The following ITGAV variants were observed in gnomAD, a reference collection of about 807,000 sequenced individuals.
ITGAV encodes the protein integrin alpha-V.
A neutral mutation model predicts 143.8 loss-of-function variants in ITGAV; 76 were observed. The ratio of observed to expected loss-of-function variants is 0.53; its 90% CI spans 0.44 to 0.64. The LOEUF is 0.64. ITGAV is among the 30% of genes least tolerant of loss of function. The probability of loss-of-function intolerance (pLI) is 0.00; values close to 1 mark genes in which losing one functional copy is unlikely to be tolerated. For missense variants in ITGAV, 1,193 were observed against 1,274.7 expected (o/e 0.94, Z 0.98); for synonymous variants, 453 against 446.7 (o/e 1.01, Z -0.18).
At chr2:186,642,520 T>C (rs1438720072) in intron 12 of ITGAV, among the ~76,000 whole-genome samples, 2 of 146,676 alleles carry the variant, frequency 1.4e-5, no homozygotes, top group African/African-American at 5.0e-5. Flanking sequence ...TTTTCTTTGT[T>C]TCTTTCTTTT....
At chr2:186,641,746 C>G (rs1352851901) in intron 12 of ITGAV, 158 bp downstream of exon 12, 1 of 602,434 alleles carries the variant, frequency 1.7e-6, no homozygotes, top group Non-Finnish European at 2.9e-6. Flanking sequence ...AGACAGTTTG[C>G]TATTTTTCTT....
In ITGAV at chr2:186,680,154, A is replaced by G. The variant is rs1689314885; in HGVS notation, c.*2862A>G. On this transcript the variant is annotated 3_prime_UTR_variant, in exon 30 of 30. Transcript: ENST00000261023. ...AGAATGAGTCGTTCTTGGAATACCT[A>G]TGTGCAGCCACTACCCATCTCAATG... The G allele has an allele frequency of 2.6e-5, 4 of 152,118 alleles. No homozygotes were observed. Among genetic ancestry groups the G allele is most frequent in the Non-Finnish European group, 2.9e-5 (2 of 67,962 alleles). The allele number at this position is 152,118 out of a possible 1,614,324, so 9.4% of individuals were successfully genotyped here. A position where few individuals can be genotyped will look rare whatever the true frequency, so the allele number is the denominator to read the frequency against.
intron 1 of ITGAV, among the ~76,000 whole-genome samples, chr2:186,599,287 C>A (rs1686831440): frequency 6.6e-6 from 1 of 152,074 alleles, no homozygotes; most frequent in East Asian, 1.9e-4. Flanking sequence ...TCTTTCTCTT[C>A]TTGACTCCTA....
chr2:186,661,830 C>T (rs185545465), intron 18 of ITGAV, among the ~76,000 whole-genome samples: 15 of 152,104 alleles, frequency 9.9e-5, no homozygotes, highest in African/African-American at 2.9e-4. Flanking sequence ...CTCCTGACCT[C>T]GTGATCCACC....
chr2:186,604,481 A>G (rs1390794308), intron 2 of ITGAV, among the ~76,000 whole-genome samples: 2 of 152,190 alleles, frequency 1.3e-5, no homozygotes, highest in Non-Finnish European at 2.9e-5. Context: ...ATACACAAGT[A>G]TTTGTACAAA....
chr2:186,675,571 C>A (rs563955496), intron 26 of ITGAV, 33 bp from the exon 27 acceptor site: 1 of 1,537,720 alleles, frequency 6.5e-7, no homozygotes, highest in South Asian at 1.1e-5. Context: ...ATAGAATGAC[C>A]TTTTCTTATA....
chr2:186,630,959 T>G, intron 5 of ITGAV, 101 bp downstream of exon 5: 4 of 572,812 alleles, frequency 7.0e-6, no homozygotes, highest in Non-Finnish European at 1.3e-5. Context: ...TTACAGCTGT[T>G]AGCTCTTTAA....
rs202007073 is a variant in ITGAV at position 186,652,008 on chromosome 2, C to A, written c.1424C>A (p.Ala475Asp). ...YRARPVITVN[A>D]GLEVYPSILN... ...GCCAGACCAGTTATCACTGTAAATG[C>A]TGGTCTTGAAGTGTACCCTAGCATT... is the stretch of plus-strand genomic sequence containing the variant. Residue 475 changes from alanine (A) to aspartate (D), a missense_variant, in exon 15 of 30, where the codon GCT becomes GAT. Coordinates refer to ENST00000261023, the MANE Select transcript of ITGAV (RefSeq NM_002210.5). The A allele has an allele frequency of 4.2e-5, 68 of 1,612,304 alleles. No individual in the cohort carries two copies. Among genetic ancestry groups the A allele is most frequent in the Non-Finnish European group, 5.4e-5 (64 of 1,178,660 alleles).
At position 186,678,705 on chromosome 2, in the gene ITGAV, T is replaced by C. The variant is rs201554462; in HGVS notation, c.*1413T>C. The stretch of plus-strand genomic sequence containing the variant: ...GATTTATTCACAGTTCCTCAAGGCC[T>C]GGGGATGATGATCAGTTATACCTAT... On this transcript the variant is annotated 3_prime_UTR_variant, in exon 30 of 30. Coordinates refer to ENST00000261023, the MANE Select transcript of ITGAV (RefSeq NM_002210.5). The C allele has an allele frequency of 1.3e-4, 58 of 455,562 alleles. No homozygotes were observed. The highest frequency in any genetic ancestry group is 2.2e-4 in the Non-Finnish European group (49 of 226,338). The allele number at this position is 455,562 out of a possible 1,614,324, so 28.2% of individuals were successfully genotyped here.
chr2:186,597,381 T>C (rs1270155257), intron 1 of ITGAV, among the ~76,000 whole-genome samples: 1 of 152,222 alleles, frequency 6.6e-6, no homozygotes, highest in African/African-American at 2.4e-5. Context: ...GAGGATGCTT[T>C]CTGCATTCTT....
Position 186,669,823 on chromosome 2 carries a change from C to G in ITGAV, c.2706+9C>G. ...GAGATATTCACACTTTGGTAAGTGC[C>G]ATTTCAAATATGTGCACCATAGACA... is the stretch of plus-strand genomic sequence containing the variant. On this transcript the variant is annotated intron_variant, in intron 26 of 29. Coordinates refer to ENST00000261023, the MANE Select transcript of ITGAV (RefSeq NM_002210.5). The G allele has an allele frequency of 6.5e-7, 1 of 1,538,922 alleles. No homozygotes were observed. The highest frequency in any genetic ancestry group is 1.1e-5 in the South Asian group (1 of 89,312).
rs1232758773 is a variant in ITGAV, at chr2:186,646,707, A to G, written c.1181A>G (p.Tyr394Cys). ...GFNDIAIAAPYGGEDKKGIVY... is the reference protein window; with the variant it reads ...GFNDIAIAAPCGGEDKKGIVY... ...ACAGATATTGCAATTGCTGCTCCAT[A>G]TGGGGGTGAAGATAAAAAAGGAATT... Residue 394 changes from tyrosine to cysteine, a missense_variant, in exon 13 of 30, where the codon TAT (tyrosine) becomes TGT (cysteine). Physicochemically the swap from Tyr to Cys is radical, Grantham distance 194. Coordinates refer to ENST00000261023, the MANE Select transcript of ITGAV (RefSeq NM_002210.5). 2.5e-6 allele frequency: 4 copies of G among 1,592,240 alleles called. No homozygotes were observed. The highest frequency in any genetic ancestry group is 3.4e-6 in the Non-Finnish European group (4 of 1,166,206).
chr2:186,612,601 G>A (rs1361103484), intron 2 of ITGAV, among the ~76,000 whole-genome samples: 1 of 152,132 alleles, frequency 6.6e-6, no homozygotes, highest in Non-Finnish European at 1.5e-5. Flanking sequence ...AAATGCTGTG[G>A]AGTATTTTCT....
At chr2:186,642,179 T>C (rs1189058298) in intron 12 of ITGAV, among the ~76,000 whole-genome samples, 1 of 152,248 alleles carries the variant, frequency 6.6e-6, no homozygotes, top group African/African-American at 2.4e-5. Flanking sequence ...AGTTAGCTTT[T>C]ACTTTAGAAC....
Position 186,669,781 on chromosome 2 carries a change from T to C in ITGAV, c.2673T>C (p.Asp891=). ...GGGACCATCTCATCACTAAGCGGGATCTTGCCCTCAGTGAAGGAGATATTC... is the reference window on the plus strand; with the variant it reads ...GGGACCATCTCATCACTAAGCGGGACCTTGCCCTCAGTGAAGGAGATATTC... ...GERDHLITKR[D]LALSEGDIHT... Residue 891 remains aspartate (D), a synonymous_variant, in exon 26 of 30, where the codon GAT becomes GAC. Coordinates refer to ENST00000261023, the MANE Select transcript of ITGAV (RefSeq NM_002210.5). 2 of 1,613,974 alleles carry C rather than the reference T, an allele frequency of 1.2e-6. No homozygotes were observed. Among genetic ancestry groups the C allele is most frequent in the Non-Finnish European group, 1.7e-6 (2 of 1,179,880 alleles).
intron 10 of ITGAV, among the ~76,000 whole-genome samples, chr2:186,638,992 T>G (rs1414585309): frequency 6.6e-6 from 1 of 151,616 alleles, no homozygotes; most frequent in East Asian, 1.9e-4. Context: ...AGAAAAGAAT[T>G]CTTTAAATTC....
chr2:186,634,309 A>G (rs1291052123), intron 6 of ITGAV, among the ~76,000 whole-genome samples: 1 of 152,158 alleles, frequency 6.6e-6, no homozygotes, highest in Non-Finnish European at 1.5e-5. Context: ...AAAAAGTGCC[A>G]TTTATGAGGT....
At chr2:186,615,481 T>A (rs1376028277) in intron 2 of ITGAV, among the ~76,000 whole-genome samples, 2 of 152,184 alleles carry the variant, frequency 1.3e-5, no homozygotes, top group Non-Finnish European at 2.9e-5. Flanking sequence ...CTGTCTTTTT[T>A]ATATTATAAT....
At chr2:186,592,418 G>A (rs1360928064) in intron 1 of ITGAV, among the ~76,000 whole-genome samples, 2 of 152,164 alleles carry the variant, frequency 1.3e-5, no homozygotes, top group Non-Finnish European at 1.5e-5. Flanking sequence ...GGGCGATAGA[G>A]AGAGACTGTC....
Sources: allele counts gnomAD v4.1 joint callset (sites outside exome capture counted in the v4.1 genomes callset), GRCh38; gene constraint gnomAD v4.1.1; transcripts MANE v1.5; gene names NCBI Gene and HGNC (gene_info 2026-07-23, HGNC 2026-07-21).